PVT1: variants seen among roughly 807,000 people sequenced by gnomAD.
PVT1 encodes CXCR4/PVT1 fusion.
chr8:127,851,006 C>CA (rs57840226), intron 2 of PVT1, among the ~76,000 whole-genome samples: 46 of 115,398 alleles, frequency 4.0e-4, no homozygotes, highest in South Asian at 2.9e-3. Flanking sequence ...GACTCTGTCT[C>CA]AAAAAAAAAA....
chr8:127,897,114 A>G (rs1586426540), intron 3 of PVT1, among the ~76,000 whole-genome samples: 1 of 152,098 alleles, frequency 6.6e-6, no homozygotes, highest in South Asian at 2.1e-4. Context: ...ACAGATTCCA[A>G]GAGGGTCTCT....
chr8:127,977,690 A>G (rs1263238334), intron 3 of PVT1, among the ~76,000 whole-genome samples: 2 of 151,984 alleles, frequency 1.3e-5, no homozygotes, highest in Non-Finnish European at 2.9e-5. Context: ...AGCCGAGATC[A>G]TGCCTCCACA....
intron 2 of PVT1, among the ~76,000 whole-genome samples, chr8:127,829,414 T>C (rs1653270357): frequency 6.6e-6 from 1 of 152,250 alleles, no homozygotes. Flanking sequence ...GTTCTTGAAA[T>C]GGTTGGTAGC....
chr8:127,926,767 C>G (rs181075637), intron 3 of PVT1, among the ~76,000 whole-genome samples: 28 of 152,322 alleles, frequency 1.8e-4, no homozygotes, highest in Non-Finnish European at 2.6e-4. Flanking sequence ...TTTCCTGAGT[C>G]CCCTCTGATG....
At chr8:128,041,272 C>T (rs1813533133) in intron 4 of PVT1, among the ~76,000 whole-genome samples, 2 of 136,276 alleles carry the variant, frequency 1.5e-5, no homozygotes, top group South Asian at 2.4e-4. Flanking sequence ...GTGTGTGCAT[C>T]TGTGTGTTTA....
intron 3 of PVT1, among the ~76,000 whole-genome samples, chr8:127,982,464 C>T (rs1386317884): frequency 3.9e-5 from 6 of 152,088 alleles, no homozygotes; most frequent in African/African-American, 4.8e-5. Context: ...ACTTCGCACT[C>T]ATGGCAGCCT....
At chr8:127,984,888 TC>T (rs1816936795) in intron 3 of PVT1, among the ~76,000 whole-genome samples, 2 of 103,482 alleles carry the variant, frequency 1.9e-5, no homozygotes, top group Non-Finnish European at 4.1e-5. Context: ...TTTCTTTCTT[TC>T]TTTCTTTCTT....
intron 3 of PVT1, among the ~76,000 whole-genome samples, chr8:127,980,041 G>A (rs1018820886): frequency 6.9e-6 from 1 of 145,594 alleles, no homozygotes; most frequent in African/African-American, 2.4e-5. Flanking sequence ...CACAGCATCC[G>A]GCTAATTTTT....
At chr8:127,816,879 A>G (rs1338316093) in intron 2 of PVT1, among the ~76,000 whole-genome samples, 2 of 152,182 alleles carry the variant, frequency 1.3e-5, no homozygotes, top group Non-Finnish European at 1.5e-5. Flanking sequence ...GCTCTGCATC[A>G]TGTTGGTAAG....
At chr8:127,943,314 C>G (rs1282386841) in intron 3 of PVT1, among the ~76,000 whole-genome samples, 1 of 152,196 alleles carries the variant, frequency 6.6e-6, no homozygotes, top group Non-Finnish European at 1.5e-5. Flanking sequence ...TTTATTCTGG[C>G]CAGCCCTGGT....
chr8:127,827,604 C>G (rs1412180733), intron 2 of PVT1, among the ~76,000 whole-genome samples: 2 of 152,040 alleles, frequency 1.3e-5, no homozygotes, highest in Non-Finnish European at 2.9e-5. Flanking sequence ...AAGGCCTGTT[C>G]CAAGAACTCC....
chr8:128,063,298 A>G (rs542450010), intron 4 of PVT1, among the ~76,000 whole-genome samples: 63 of 152,222 alleles, frequency 4.1e-4, no homozygotes, highest in Non-Finnish European at 6.0e-4. Context: ...GGATCACTTT[A>G]GGTCAGAAGT....
intron 4 of PVT1, among the ~76,000 whole-genome samples, chr8:128,011,542 G>A (rs1817314948): frequency 6.6e-6 from 1 of 152,152 alleles, no homozygotes; most frequent in Non-Finnish European, 1.5e-5. Context: ...GACCATACTA[G>A]CACCTTGATC....
intron 3 of PVT1, among the ~76,000 whole-genome samples, chr8:127,915,577 A>G (rs1339995498): frequency 2.2e-5 from 3 of 134,362 alleles, no homozygotes; most frequent in Non-Finnish European, 4.6e-5. Flanking sequence ...GCATCATTGC[A>G]TTTCAGCCTG....
intron 2 of PVT1, among the ~76,000 whole-genome samples, chr8:127,873,588 A>T (rs914037948): frequency 1.3e-5 from 2 of 152,104 alleles, no homozygotes; most frequent in African/African-American, 4.8e-5. Flanking sequence ...CCCAGCAGGT[A>T]AAAGAGCTGG....
intron 3 of PVT1, among the ~76,000 whole-genome samples, chr8:127,899,287 G>T (rs1815729204): frequency 6.6e-6 from 1 of 152,232 alleles, no homozygotes; most frequent in Non-Finnish European, 1.5e-5. Context: ...TGGGAAGCCT[G>T]TTATTGTGAA....
At chr8:127,860,290 C>T (rs886537382) in intron 2 of PVT1, among the ~76,000 whole-genome samples, 2 of 152,204 alleles carry the variant, frequency 1.3e-5, no homozygotes, top group East Asian at 1.9e-4. Context: ...ACAGGCTGCT[C>T]CTCTGCCAGG....
intron 3 of PVT1, among the ~76,000 whole-genome samples, chr8:127,896,774 T>TCCCC (rs71566652): frequency 8.9e-6 from 1 of 112,304 alleles, no homozygotes; most frequent in Non-Finnish European, 1.9e-5. Context: ...ATGCCTTTCC[T>TCCCC]CCCCCCCCCC....
chr8:128,070,168 T>G (rs951329652), exon 5 of PVT1: 1 of 152,280 alleles, frequency 6.6e-6, no homozygotes, highest in Non-Finnish European at 1.5e-5. Context: ...AGAGCCAGTC[T>G]TGGTGCTCTG....
Sources: gnomAD v4.1 joint callset for allele counts (sites outside exome capture counted in the v4.1 genomes callset) on GRCh38, gnomAD v4.1.1 for gene constraint, MANE v1.5 for transcripts, NCBI Gene and HGNC (gene_info 2026-07-23, HGNC 2026-07-21) for gene names.